OSCAR: variants seen among roughly 807,000 people sequenced by gnomAD.
OSCAR encodes the protein osteoclast associated Ig-like receptor, also known as osteoclast-associated immunoglobulin-like receptor.
In OSCAR, 25 loss-of-function variants were observed where a neutral mutation model predicts 27.3. The observed-to-expected ratio is 0.92, with a 90% CI of 0.67 to 1.28. The LOEUF is 1.28. Among genes scored for constraint, OSCAR ranks in the 50% most tolerant of loss-of-function variants. The pLI is 0.00. For synonymous variants in OSCAR, 158 were observed against 165.7 expected, an observed-to-expected ratio of 0.95 and a Z score of 0.36; for missense variants, 354 against 355.1, an observed-to-expected ratio of 1.00 and a Z score of 0.03.
rs1248570225 is a variant in OSCAR, at chr19:54,099,780, C to T, written c.38G>A (p.Trp13Ter). Reference sequence around the variant, plus strand: ...AGTGATGTCTGTGTGACACAGAGGCCCTGTAGGAGGTTGAGGGACTAGTTT... The same window carrying T: ...AGTGATGTCTGTGTGACACAGAGGCTCTGTAGGAGGTTGAGGGACTAGTTT... ...LVLILQLLTLWPLCHTDITPS... is the reference protein window; with the variant it reads ...LVLILQLLTL The change falls in exon 2 of 5, where the codon TGG becomes TAG. Residue 13 changes from tryptophan (W) to a stop codon, truncating the protein, a stop_gained and splice_region_variant. Transcript: ENST00000358375. LOFTEE classifies it high-confidence loss of function. 3 of 1,611,880 alleles carry T rather than the reference C, an allele frequency of 1.9e-6. No homozygotes were observed. The highest frequency in any genetic ancestry group is 2.2e-5 in the East Asian group (1 of 44,850).
chr19:54,095,163 G>A lies in OSCAR; in HGVS notation c.*58C>T. The A allele has an allele frequency of 6.4e-7, 1 of 1,574,066 alleles. No homozygotes were observed. Among genetic ancestry groups the A allele is most frequent in the South Asian group, 1.2e-5 (1 of 84,066 alleles). On this transcript the variant is annotated 3_prime_UTR_variant, in exon 5 of 5. Coordinates refer to ENST00000358375, the MANE Select transcript of OSCAR (RefSeq NM_133169.6). ...CTGCAGGAAAGGACAGTCCAGCCCA[G>A]GGTCCCAGCTTCTCCGCCACTCAGG... is the stretch of plus-strand genomic sequence containing the variant.
chr19:54,095,820 G>T lies in OSCAR; in HGVS notation c.655+52C>A, dbSNP rs955460349. On this transcript the variant is annotated intron_variant, in intron 4 of 4. Coordinates refer to ENST00000358375, the MANE Select transcript of OSCAR (RefSeq NM_133169.6). Reference sequence around the variant, plus strand: ...TCCTGGGTCTGAGGGCGGAGGTCCTGGGGCCTGCATTCCTGGGGCGGAGGA... The same window carrying T: ...TCCTGGGTCTGAGGGCGGAGGTCCTTGGGCCTGCATTCCTGGGGCGGAGGA... 1.7e-5 allele frequency: 26 copies of T among 1,550,552 alleles called. No homozygotes were observed. Among genetic ancestry groups the T allele is most frequent in the Admixed American group, 3.9e-5 (2 of 50,934 alleles).
At chr19:54,099,492 G>C in intron 2 of OSCAR, 1 of 1,187,262 alleles carries the variant, frequency 8.4e-7, no homozygotes, top group Non-Finnish European at 1.3e-6. Context: ...GCTGTGACTT[G>C]TTCTAGGTCA....
chr19:54,096,200 T>C (rs2072683568), intron 3 of OSCAR, 47 bp from the exon 4 acceptor site: 1 of 1,405,172 alleles, frequency 7.1e-7, no homozygotes, highest in South Asian at 1.4e-5. Flanking sequence ...CGTCTTCCGC[T>C]CGCTCGCTCG....
chr19:54,099,468 T>TG (rs1249491759), intron 2 of OSCAR: 2 of 987,370 alleles, frequency 2.0e-6, no homozygotes, highest in Non-Finnish European at 1.6e-6. Context: ...GAGAAGGAAA[T>TG]GGAGTCTTAG....
At chr19:54,099,106 A>C (rs1394476613) in intron 2 of OSCAR, among the ~76,000 whole-genome samples, 1 of 151,166 alleles carries the variant, frequency 6.6e-6, no homozygotes, top group Admixed American at 6.6e-5. Context: ...ACTGTCACCC[A>C]GGCTGGAGTG....
At chr19:54,096,195 T>G (rs2072682375) in intron 3 of OSCAR, 42 bp from the exon 4 acceptor site, 2 of 1,439,408 alleles carry the variant, frequency 1.4e-6, no homozygotes. Context: ...GTGAGCGTCT[T>G]CCGCTCGCTC....
At chr19:54,097,460 T>C (rs1338575824) in intron 2 of OSCAR, among the ~76,000 whole-genome samples, 1 of 151,928 alleles carries the variant, frequency 6.6e-6, no homozygotes, top group African/African-American at 2.4e-5. Context: ...TTTTAAGTAA[T>C]GAGATGGGAG....
intron 3 of OSCAR, 128 bp downstream of exon 3, chr19:54,096,734 A>ATCTGT (rs2072750635): frequency 1.0e-6 from 1 of 997,856 alleles, no homozygotes; most frequent in Non-Finnish European, 1.4e-6. Context: ...GTGTCTCTGT[A>ATCTGT]TCTGTCTTTT....
Position 54,096,805 on chromosome 19 carries a change from T to G in OSCAR, c.373+57A>C, listed in dbSNP as rs200479393. ...GTCTCTCTTTCCCTATATCTCTCTG[T>G]CCCTCCCCCAACTCCCTTGTTCCAC... On this transcript the variant is annotated intron_variant, in intron 3 of 4. Transcript: ENST00000358375. 920 of 1,556,172 alleles carry G rather than the reference T, an allele frequency of 5.9e-4. 2 individuals carry two copies. Among genetic ancestry groups the G allele is most frequent in the Non-Finnish European group, 6.9e-4 (790 of 1,146,560 alleles).
chr19:54,099,251 T>TTTTTTTTTTG (rs1412223669), intron 2 of OSCAR, among the ~76,000 whole-genome samples: 1 of 141,560 alleles, frequency 7.1e-6, no homozygotes, highest in Non-Finnish European at 1.5e-5. Context: ...TTTTTTTTTT[T>TTTTTTTTTTG]TTAGTAGAGA....
chr19:54,100,327 C>T (rs2072983710), intron 1 of OSCAR, among the ~76,000 whole-genome samples: 1 of 152,126 alleles, frequency 6.6e-6, no homozygotes, highest in South Asian at 2.1e-4. Flanking sequence ...AGAGTTCAGG[C>T]CCTTGAACTC....
rs1186503619 is a variant in OSCAR, at chr19:54,094,691, G to T, written c.*530C>A. On this transcript the variant is annotated 3_prime_UTR_variant, in exon 5 of 5. Coordinates refer to ENST00000358375, the MANE Select transcript of OSCAR (RefSeq NM_133169.6). Reference sequence around the variant, plus strand: ...AGTTAGCAGCAGCAAGATTTATTGTGTAGAGCAAGAGAACAAAGCTCCCAC... The same window carrying T: ...AGTTAGCAGCAGCAAGATTTATTGTTTAGAGCAAGAGAACAAAGCTCCCAC... 6.6e-6 allele frequency: 1 copy of T among 152,412 alleles called. No individual in the cohort carries two copies. The highest frequency in any genetic ancestry group is 1.5e-5 in the Non-Finnish European group (1 of 68,224). 9.4% of individuals were successfully genotyped at this position (152,412 alleles called of 1,614,324 possible).
At chr19:54,100,720 A>G (rs2073002728) in intron 1 of OSCAR, 36 bp downstream of exon 1, 1 of 1,548,758 alleles carries the variant, frequency 6.5e-7, no homozygotes, top group Non-Finnish European at 8.7e-7. Context: ...CCCCAACCCC[A>G]GCCAGGAACC....
At chr19:54,099,080 TG>T (rs2072899633) in intron 2 of OSCAR, among the ~76,000 whole-genome samples, 2 of 151,746 alleles carry the variant, frequency 1.3e-5, no homozygotes, top group Non-Finnish European at 2.9e-5. Context: ...TGTTTGTTTT[TG>T]AAGTGGAGTC....
Position 54,096,962 on chromosome 19 carries a change from A to T in OSCAR, c.273T>A (p.Thr91=). 1 of 1,614,120 alleles carries T rather than the reference A, an allele frequency of 6.2e-7. No homozygotes were observed. The highest frequency in any genetic ancestry group is 8.5e-7 in the Non-Finnish European group (1 of 1,180,008). The change falls in exon 3 of 5, where the codon ACT becomes ACA. Residue 91 remains threonine (T), a synonymous_variant. Coordinates refer to ENST00000358375, the MANE Select transcript of OSCAR (RefSeq NM_133169.6). ...ELAEFFLEEV[T]PAQGGSYRCC... ...AGCGGTAACTTCCCCCTTGGGCTGG[A>T]GTCACCTCCTCCAGAAAGAATTCTG...
chr19:54,096,289 T>TCTCTCTGTCTGC (rs2072693822), intron 3 of OSCAR, 136 bp from the exon 4 acceptor site: 1 of 797,034 alleles, frequency 1.3e-6, no homozygotes, highest in Non-Finnish European at 1.9e-6. Flanking sequence ...TCTCTGCCTG[T>TCTCTCTGTCTGC]CTCTCTCTCT....
chr19:54,099,599 C>T, intron 2 of OSCAR, 149 bp downstream of exon 2: 3 of 1,610,370 alleles, frequency 1.9e-6, no homozygotes, highest in Non-Finnish European at 2.5e-6. Flanking sequence ...CCTATAATGG[C>T]CACTAAGGGG....
chr19:54,095,672 G>T, intron 4 of OSCAR, 200 bp downstream of exon 4: 1 of 1,037,744 alleles, frequency 9.6e-7, no homozygotes. Context: ...AGGAGGAGCT[G>T]GAGGACTAGA....
Sources: allele counts gnomAD v4.1 joint callset (sites outside exome capture counted in the v4.1 genomes callset), GRCh38; gene constraint gnomAD v4.1.1; transcripts MANE v1.5; gene names NCBI Gene and HGNC (gene_info 2026-07-23, HGNC 2026-07-21).